Variants in GFRA1 observed in about 807,000 individuals in gnomAD.
The protein encoded by GFRA1 is GDNF family receptor alpha-1.
GFRA1 carries 16 observed loss-of-function variants against 51.6 expected under a neutral mutation model. The ratio of observed to expected loss-of-function variants is 0.31; its 90% CI spans 0.21 to 0.47. The LOEUF (loss-of-function observed/expected upper bound fraction) is 0.47. Ranked by LOEUF, GFRA1 falls within the 20% of genes least tolerant of loss-of-function variation. GFRA1 has a pLI of 1.00. For missense variants in GFRA1, 530 were observed against 594.3 expected, an observed-to-expected ratio of 0.89 and a Z score of 1.13; for synonymous variants, 270 against 241.3, an observed-to-expected ratio of 1.12 and a Z score of -1.10.
intron 5 of GFRA1, among the ~76,000 whole-genome samples, chr10:116,189,293 C>T (rs1029411976): frequency 2.0e-5 from 3 of 152,116 alleles, no homozygotes; most frequent in African/African-American, 7.2e-5. Context: ...CTTTGTTCAT[C>T]CAAATCATAA....
chr10:116,261,351 C>T (rs1969288291), intron 4 of GFRA1, among the ~76,000 whole-genome samples: 1 of 152,186 alleles, frequency 6.6e-6, no homozygotes, highest in African/African-American at 2.4e-5. Context: ...AGAACGACCT[C>T]CAAACATCCT....
intron 4 of GFRA1, among the ~76,000 whole-genome samples, chr10:116,250,036 AT>A (rs1351700492): frequency 6.6e-6 from 1 of 152,206 alleles, no homozygotes; most frequent in African/African-American, 2.4e-5. Context: ...CATAGAGGAC[AT>A]TCCAGATGAC....
chr10:116,145,337 G>A (rs917238426), intron 5 of GFRA1, among the ~76,000 whole-genome samples: 1 of 151,586 alleles, frequency 6.6e-6, no homozygotes, highest in Non-Finnish European at 1.5e-5. Context: ...AATAGGAGGA[G>A]GTAATCAATA....
intron 4 of GFRA1, among the ~76,000 whole-genome samples, chr10:116,262,975 C>T (rs977076776): frequency 3.9e-5 from 6 of 152,164 alleles, no homozygotes; most frequent in African/African-American, 1.4e-4. Flanking sequence ...CAGCTGCAAC[C>T]AACTCACTTC....
intron 5 of GFRA1, among the ~76,000 whole-genome samples, chr10:116,196,577 A>AATATATAGTACTATATATAATAT (rs1267601847): frequency 4.0e-5 from 2 of 49,654 alleles, no homozygotes; most frequent in Admixed American, 3.6e-4. Context: ...TAATATATAT[A>AATATATAGTACTATATATAATAT]ATATATAGTA....
chr10:116,178,299 C>CGG (rs112208045), intron 5 of GFRA1, among the ~76,000 whole-genome samples: 5,326 of 137,550 alleles, frequency 0.039, 105 homozygotes, highest in African/African-American at 0.076. Context: ...CACAAGGGGC[C>CGG]GGGGGGGCGT....
At chr10:116,089,085 T>C (rs1460133456) in intron 9 of GFRA1, among the ~76,000 whole-genome samples, 1 of 152,142 alleles carries the variant, frequency 6.6e-6, no homozygotes, top group South Asian at 2.1e-4. Context: ...TCACCACTTC[T>C]ATCTTGCTGT....
intron 2 of GFRA1, among the ~76,000 whole-genome samples, chr10:116,271,720 G>A (rs1202114917): frequency 6.6e-6 from 1 of 152,204 alleles, no homozygotes; most frequent in Non-Finnish European, 1.5e-5. Flanking sequence ...GCAGGGCCCT[G>A]GGCTGGAGGG....
chr10:116,129,591 C>G (rs1275759346), intron 5 of GFRA1, among the ~76,000 whole-genome samples: 3 of 151,996 alleles, frequency 2.0e-5, no homozygotes, highest in Admixed American at 6.6e-5. Context: ...ATACTAAGAT[C>G]AAGAACAAAG....
At chr10:116,255,751 A>C in intron 4 of GFRA1, 1 of 1,287,974 alleles carries the variant, frequency 7.8e-7, no homozygotes, top group Non-Finnish European at 1.0e-6. Flanking sequence ...ATGGCATTGC[A>C]CTCTGCACTT....
intron 4 of GFRA1, among the ~76,000 whole-genome samples, chr10:116,231,429 C>T (rs975967118): frequency 1.3e-5 from 2 of 152,184 alleles, no homozygotes; most frequent in African/African-American, 4.8e-5. Flanking sequence ...TAAATTTATA[C>T]ACAAGACAGA....
chr10:116,138,979 T>C (rs978475787), intron 5 of GFRA1, among the ~76,000 whole-genome samples: 6 of 152,230 alleles, frequency 3.9e-5, no homozygotes, highest in Non-Finnish European at 7.3e-5. Flanking sequence ...ATTGCATCTC[T>C]GCAGCTTAAT....
Position 116,057,245 on chromosome 10 carries a change from C to T in GFRA1, c.*7153G>A, listed in dbSNP as rs1954586004. The T allele has an allele frequency of 6.6e-6, 1 of 152,166 alleles. No individual in the cohort carries two copies. The highest frequency in any genetic ancestry group is 2.1e-4 in the South Asian group (1 of 4,830). 9.4% of individuals were successfully genotyped at this position (152,166 alleles called of 1,614,324 possible). On this transcript the variant is annotated 3_prime_UTR_variant, in exon 11 of 11. Transcript: ENST00000355422. ...TGTGTCATCTTCTACCAGTGGGAAGCTCAGTAAACACACAATATAACATGG... is the reference window on the plus strand; with the variant it reads ...TGTGTCATCTTCTACCAGTGGGAAGTTCAGTAAACACACAATATAACATGG...
intron 5 of GFRA1, among the ~76,000 whole-genome samples, chr10:116,158,781 C>T (rs1589832433): frequency 6.6e-6 from 1 of 152,186 alleles, no homozygotes; most frequent in Non-Finnish European, 1.5e-5. Flanking sequence ...AGCTGGAGCC[C>T]AGTACCAGAG....
chr10:116,176,525 G>C (rs1484889102), intron 5 of GFRA1, among the ~76,000 whole-genome samples: 1 of 151,958 alleles, frequency 6.6e-6, no homozygotes, highest in Non-Finnish European at 1.5e-5. Context: ...ATCAAATGCT[G>C]CTCCCCCTTT....
intron 8 of GFRA1, among the ~76,000 whole-genome samples, chr10:116,090,639 A>G (rs1487060448): frequency 2.0e-5 from 3 of 152,256 alleles, no homozygotes; most frequent in African/African-American, 7.2e-5. Flanking sequence ...TTTTATGGCA[A>G]GATTAAATTG....
intron 4 of GFRA1, among the ~76,000 whole-genome samples, chr10:116,221,335 C>T (rs1181325558): frequency 6.6e-6 from 1 of 152,168 alleles, no homozygotes. Context: ...TCAATGAATA[C>T]ACCATTGATA....
chr10:116,090,659 TG>T (rs1956296070), intron 8 of GFRA1, among the ~76,000 whole-genome samples: 1 of 152,164 alleles, frequency 6.6e-6, no homozygotes. Context: ...GGTTGTGTGT[TG>T]TTCCCCTCCC....
chr10:116,166,479 CT>C (rs1444124000), intron 5 of GFRA1, among the ~76,000 whole-genome samples: 2 of 152,218 alleles, frequency 1.3e-5, no homozygotes, highest in Non-Finnish European at 2.9e-5. Flanking sequence ...TCACTTCTCT[CT>C]TGCATCTTCA....
Sources: allele counts gnomAD v4.1 joint callset (sites outside exome capture counted in the v4.1 genomes callset), GRCh38; gene constraint gnomAD v4.1.1; transcripts MANE v1.5; gene names NCBI Gene and HGNC (gene_info 2026-07-23, HGNC 2026-07-21).